The following ENAH variants were observed in gnomAD, a reference collection of about 807,000 sequenced individuals.
ENAH encodes the protein ENAH actin regulator.
A neutral mutation model predicts 78.7 loss-of-function variants in ENAH; 23 were observed. That is an observed-to-expected ratio of 0.29 (90% CI 0.21 to 0.41). ENAH has a LOEUF of 0.41. Among genes scored for constraint, ENAH ranks in the 10% least tolerant of loss-of-function variants. The pLI is 1.00. For synonymous variants in ENAH, 226 were observed against 241.0 expected (o/e 0.94, Z 0.58); for missense variants, 544 against 691.0 (o/e 0.79, Z 2.39).
intron 1 of ENAH, among the ~76,000 whole-genome samples, chr1:225,601,643 A>AT (rs2096931803): frequency 6.6e-6 from 1 of 151,922 alleles, no homozygotes. Context: ...ACGGGGATAC[A>AT]TTTTTTTTCT....
chr1:225,592,480 C>G (rs1325740222), intron 1 of ENAH, among the ~76,000 whole-genome samples: 3 of 152,184 alleles, frequency 2.0e-5, no homozygotes, highest in Non-Finnish European at 2.9e-5. Context: ...GGTTATCTGT[C>G]AATCTGAGAA....
At chr1:225,522,741 T>C (rs1432526710) in intron 4 of ENAH, among the ~76,000 whole-genome samples, 8 of 152,188 alleles carry the variant, frequency 5.3e-5, no homozygotes, top group Admixed American at 1.3e-4. Flanking sequence ...CCATTTTACA[T>C]ATAATGCTCT....
intron 1 of ENAH, among the ~76,000 whole-genome samples, chr1:225,611,927 A>C (rs2096991975): frequency 6.6e-6 from 1 of 152,218 alleles, no homozygotes; most frequent in Non-Finnish European, 1.5e-5. Context: ...AAAATTTAAA[A>C]ATAATGTATT....
intron 1 of ENAH, among the ~76,000 whole-genome samples, chr1:225,591,425 G>A (rs760379415): frequency 2.6e-4 from 39 of 150,488 alleles, no homozygotes; most frequent in Non-Finnish European, 4.6e-4. Flanking sequence ...CCGAGACTGC[G>A]CCATTGCACT....
chr1:225,560,352 C>T (rs1348974810), intron 2 of ENAH, among the ~76,000 whole-genome samples: 1 of 151,908 alleles, frequency 6.6e-6, no homozygotes, highest in African/African-American at 2.4e-5. Context: ...ATTAGCCAGG[C>T]ATGGTGGCAC....
intron 1 of ENAH, among the ~76,000 whole-genome samples, chr1:225,622,969 C>T (rs965976499): frequency 2.6e-5 from 4 of 152,116 alleles, no homozygotes; most frequent in Non-Finnish European, 5.9e-5. Flanking sequence ...TCCTCCACTC[C>T]AGCACCCCCA....
chr1:225,595,402 T>G (rs989977793), intron 1 of ENAH, among the ~76,000 whole-genome samples: 3 of 151,206 alleles, frequency 2.0e-5, no homozygotes, highest in Admixed American at 6.6e-5. Flanking sequence ...TTGACAGGAG[T>G]AGCTGGTCCC....
intron 3 of ENAH, among the ~76,000 whole-genome samples, chr1:225,541,154 G>T (rs1455544088): frequency 6.6e-6 from 1 of 152,192 alleles, no homozygotes; most frequent in African/African-American, 2.4e-5. Flanking sequence ...TCTAAAATTG[G>T]CCGGGCACGG....
chr1:225,572,484 C>T (rs964079499), intron 1 of ENAH, among the ~76,000 whole-genome samples: 9 of 152,160 alleles, frequency 5.9e-5, no homozygotes, highest in African/African-American at 2.2e-4. Flanking sequence ...ATAACTTGAG[C>T]TTTCTAGACA....
intron 4 of ENAH, among the ~76,000 whole-genome samples, chr1:225,524,361 T>C (rs1375678176): frequency 1.3e-5 from 2 of 152,230 alleles, no homozygotes; most frequent in African/African-American, 4.8e-5. Flanking sequence ...ATAAGAATGA[T>C]TTCAATTTTA....
intron 3 of ENAH, among the ~76,000 whole-genome samples, chr1:225,543,018 T>TAAA (rs74643486): frequency 7.4e-6 from 1 of 134,450 alleles, no homozygotes; most frequent in Non-Finnish European, 1.6e-5. Flanking sequence ...GACTCTCTCT[T>TAAA]AAAAAAAAAA....
intron 1 of ENAH, among the ~76,000 whole-genome samples, chr1:225,589,702 C>T (rs146609980): frequency 2.6e-5 from 4 of 152,136 alleles, no homozygotes; most frequent in African/African-American, 9.6e-5. Context: ...AGGGGGCCAA[C>T]TGTATACAGA....
chr1:225,566,505 C>T (rs1443453766), intron 2 of ENAH, among the ~76,000 whole-genome samples: 1 of 152,124 alleles, frequency 6.6e-6, no homozygotes, highest in African/African-American at 2.4e-5. Flanking sequence ...ACATTCTTTC[C>T]GCATGTGTAG....
chr1:225,652,155 T>A (rs1663137379), intron 1 of ENAH, among the ~76,000 whole-genome samples: 4 of 151,218 alleles, frequency 2.6e-5, no homozygotes, highest in Admixed American at 2.0e-4. Flanking sequence ...TCCCCCACCA[T>A]CGTGAAATTT....
chr1:225,563,312 C>T (rs1400867205), intron 2 of ENAH, among the ~76,000 whole-genome samples: 2 of 152,050 alleles, frequency 1.3e-5, no homozygotes, highest in East Asian at 1.9e-4. Flanking sequence ...TATCTAGTAC[C>T]TCCTCTGTAT....
At chr1:225,606,703 C>T (rs766527177) in intron 1 of ENAH, among the ~76,000 whole-genome samples, 257 of 151,540 alleles carry the variant, frequency 1.7e-3, no homozygotes, top group Non-Finnish European at 2.7e-3. Flanking sequence ...ACTAGCTGGA[C>T]GTGGTGGAGT....
chr1:225,513,749 T>C (rs558792178), intron 7 of ENAH, among the ~76,000 whole-genome samples: 1 of 152,160 alleles, frequency 6.6e-6, no homozygotes, highest in East Asian at 1.9e-4. Context: ...CCCGGCACTG[T>C]GGGAGGCTGA....
chr1:225,652,620 G>A (rs1023494041), intron 1 of ENAH, 66 bp downstream of exon 1: 6 of 1,252,088 alleles, frequency 4.8e-6, no homozygotes, highest in East Asian at 3.1e-5. Context: ...GGGGTCCGAG[G>A]AGAACGGGGG....
At position 225,493,615 on chromosome 1, in the gene ENAH, A is replaced by C. The variant is rs2096234215; in HGVS notation, c.*4160T>G. ...AAAACAAAAGTGGTGCTACCAGAAAAAGGTTTGGAGTTTGGAAGTGAATGA... is the reference window on the plus strand; with the variant it reads ...AAAACAAAAGTGGTGCTACCAGAAACAGGTTTGGAGTTTGGAAGTGAATGA... On this transcript the variant is annotated 3_prime_UTR_variant, in exon 14 of 14. Transcript: ENST00000366843. The C allele has an allele frequency of 6.6e-6, 1 of 152,184 alleles. No homozygotes were observed. Among genetic ancestry groups the C allele is most frequent in the Admixed American group, 6.5e-5 (1 of 15,274 alleles). The allele number at this position is 152,184 out of a possible 1,614,324, so 9.4% of individuals were successfully genotyped here.
Sources: allele counts gnomAD v4.1 joint callset (sites outside exome capture counted in the v4.1 genomes callset), GRCh38; gene constraint gnomAD v4.1.1; transcripts MANE v1.5; gene names NCBI Gene and HGNC (gene_info 2026-07-23, HGNC 2026-07-21).